Variants in FOXK1 observed in about 807,000 individuals in gnomAD.
FOXK1 encodes the protein forkhead box protein K1.
A neutral mutation model predicts 51.9 loss-of-function variants in FOXK1; 19 were observed. The ratio of observed to expected loss-of-function variants is 0.37; its 90% CI spans 0.26 to 0.54. The LOEUF is 0.54. FOXK1 is among the 20% of genes least tolerant of loss of function. The pLI is 0.87. For synonymous variants in FOXK1, 537 were observed against 482.6 expected (o/e 1.11, Z -1.48); for missense variants, 870 against 1,032.7 (o/e 0.84, Z 2.16).
At chr7:4,746,826 G>A (rs2115065010) in intron 2 of FOXK1, among the ~76,000 whole-genome samples, 1 of 152,348 alleles carries the variant, frequency 6.6e-6, no homozygotes, top group East Asian at 1.9e-4. Context: ...GGCTGGCTGT[G>A]CCAGCATTTG....
At chr7:4,742,466 G>C (rs892540809) in intron 2 of FOXK1, among the ~76,000 whole-genome samples, 3 of 152,184 alleles carry the variant, frequency 2.0e-5, no homozygotes, top group African/African-American at 7.2e-5. Flanking sequence ...GTCCAGGCTA[G>C]AGTGCAGTGG....
intron 1 of FOXK1, among the ~76,000 whole-genome samples, chr7:4,688,545 G>A (rs1002920851): frequency 1.8e-4 from 27 of 151,982 alleles, no homozygotes; most frequent in African/African-American, 5.5e-4. Flanking sequence ...ACAGGCGCTC[G>A]CCACGACACC....
intron 1 of FOXK1, among the ~76,000 whole-genome samples, chr7:4,724,120 A>G (rs1780348345): frequency 6.6e-6 from 1 of 152,200 alleles, no homozygotes; most frequent in South Asian, 2.1e-4. Flanking sequence ...GCTGCGCACC[A>G]GGCAGTGCCC....
chr7:4,717,712 G>C (rs1780254608), intron 1 of FOXK1, among the ~76,000 whole-genome samples: 1 of 152,164 alleles, frequency 6.6e-6, no homozygotes, highest in South Asian at 2.1e-4. Flanking sequence ...TTGTCTCTCT[G>C]AGCATTGCAG....
Position 4,755,489 on chromosome 7 carries a change from C to G in FOXK1, c.1050+106C>G, listed in dbSNP as rs76575846. ...ACAGAAGAGGGCCAGTGAGGGGGCT[C>G]ACGCCTGGAACCCTAGCATTTTGTG... On this transcript the variant is annotated intron_variant, in intron 4 of 8. Coordinates refer to ENST00000328914, the MANE Select transcript of FOXK1 (RefSeq NM_001037165.2). The surrounding 1 kb of genome is among the most constrained non-coding windows in gnomAD (Gnocchi z 6.6). 134 of 1,459,636 alleles carry G rather than the reference C, an allele frequency of 9.2e-5. 1 individual carries two copies. The highest frequency in any genetic ancestry group is 3.2e-4 in the South Asian group (25 of 77,486). 90.4% of individuals were successfully genotyped at this position (1,459,636 alleles called of 1,614,324 possible). A position where few individuals can be genotyped will look rare whatever the true frequency, so the allele number is the denominator to read the frequency against.
intron 1 of FOXK1, among the ~76,000 whole-genome samples, chr7:4,718,189 T>A (rs542696527): frequency 9.9e-5 from 15 of 151,726 alleles, no homozygotes; most frequent in Non-Finnish European, 2.1e-4. Context: ...TCCATCAGCA[T>A]CACAGCCGGG....
intron 1 of FOXK1, among the ~76,000 whole-genome samples, chr7:4,706,308 AAT>A (rs1237381274): frequency 6.6e-6 from 1 of 152,164 alleles, no homozygotes; most frequent in Non-Finnish European, 1.5e-5. Context: ...CTTAAAATAA[AAT>A]ACCCCTTTTC....
At chr7:4,727,657 G>A (rs1780397778) in intron 1 of FOXK1, among the ~76,000 whole-genome samples, 1 of 152,208 alleles carries the variant, frequency 6.6e-6, no homozygotes, top group Non-Finnish European at 1.5e-5. Context: ...CTCCTTTTAG[G>A]CTTCAGTGCT....
chr7:4,728,556 T>A (rs978873189), intron 1 of FOXK1, among the ~76,000 whole-genome samples: 1 of 151,696 alleles, frequency 6.6e-6, no homozygotes, highest in Non-Finnish European at 1.5e-5. Flanking sequence ...CCACGTGCTG[T>A]GGGGAGAACA....
chr7:4,693,423 TAAAG>T (rs1365841295), intron 1 of FOXK1, among the ~76,000 whole-genome samples: 2 of 152,250 alleles, frequency 1.3e-5, no homozygotes, highest in African/African-American at 4.8e-5. Flanking sequence ...TTTATAGAAA[TAAAG>T]TTATATAATT....
In FOXK1 at chr7:4,683,425, G is replaced by GC. The variant is rs1297577749; in HGVS notation, c.560+564dup. Among the ~76,000 whole-genome samples the GC allele has an allele frequency of 2.0e-5, 3 of 150,084 alleles. No individual in the cohort carries two copies. The highest frequency in any genetic ancestry group is 2.1e-4 in the South Asian group (1 of 4,732). On this transcript the variant is annotated intron_variant, in intron 1 of 8. Coordinates refer to ENST00000328914, the MANE Select transcript of FOXK1 (RefSeq NM_001037165.2). This position sits in a 1 kb window ranked among gnomAD's most constrained non-coding sequence, Gnocchi z 4.5. Reference sequence around the variant, plus strand: ...GTTAACCGCGACCCCCACTTCCTAGGCCCCCCCGGAGTCACCCCTGACCGC... The same window carrying GC: ...GTTAACCGCGACCCCCACTTCCTAGGCCCCCCCCGGAGTCACCCCTGACCGC...
rs1562372937 is a variant in FOXK1, at chr7:4,705,964, A to ATATATATATACG, written c.560+23104_560+23105insTACGTATATATA. Among the ~76,000 whole-genome samples the ATATATATATACG allele has an allele frequency of 6.5e-3, 733 of 112,942 alleles. 7 individuals are homozygous for ATATATATATACG. The highest frequency in any genetic ancestry group is 0.01 in the Non-Finnish European group (579 of 56,140). The allele number at this position is 112,942 out of a possible 152,430, so 74.1% of individuals were successfully genotyped here. A position where few individuals can be genotyped will look rare whatever the true frequency, so the allele number is the denominator to read the frequency against. ...TTCAAAATTATATATATATATGTATATATATATACGTATATATACGTATAT... is the reference window on the plus strand; with the variant it reads ...TTCAAAATTATATATATATATGTATATATATATATACGTATATATACGTATATATACGTATAT... On this transcript the variant is annotated intron_variant, in intron 1 of 8. Transcript: ENST00000328914.
At chr7:4,696,646 G>A (rs894021444) in intron 1 of FOXK1, among the ~76,000 whole-genome samples, 2 of 152,162 alleles carry the variant, frequency 1.3e-5, no homozygotes, top group Non-Finnish European at 2.9e-5. Flanking sequence ...TCAGTGCCTC[G>A]CCCAGTGCCA....
chr7:4,741,027 A>C lies in FOXK1; in HGVS notation c.746+4A>C, dbSNP rs761011379. 1.6e-5 allele frequency: 24 copies of C among 1,508,188 alleles called. No homozygotes were observed. In the South Asian group the frequency reaches 2.6e-4, roughly 17 times the overall value. 93.4% of individuals were successfully genotyped at this position (1,508,188 alleles called of 1,614,324 possible). A position where few individuals can be genotyped will look rare whatever the true frequency, so the allele number is the denominator to read the frequency against. On this transcript the variant is annotated splice_donor_region_variant and intron_variant, in intron 2 of 8. Transcript: ENST00000328914. ...CCTCCCCGACGGGCACCATCAGGTG[A>C]GTAGCCCCCCAGCCTGCCCTTGGGC...
rs760634384 is a variant in FOXK1, at chr7:4,759,228, G to C, written c.1411+11G>C. 6.2e-7 allele frequency: 1 copy of C among 1,611,780 alleles called. No homozygotes were observed. The highest frequency in any genetic ancestry group is 1.1e-5 in the South Asian group (1 of 91,086). On this transcript the variant is annotated intron_variant, in intron 6 of 8. Coordinates refer to ENST00000328914, the MANE Select transcript of FOXK1 (RefSeq NM_001037165.2). ...CCCAAAGCGCACCCGGTAAGGAGCG[G>C]GCGGCCCTCTTGCGGGGCGGGGCGG...
At position 4,682,989 on chromosome 7, in the gene FOXK1, C is replaced by T. The variant is rs1779772246; in HGVS notation, c.560+121C>T. On this transcript the variant is annotated intron_variant, in intron 1 of 8. Coordinates refer to ENST00000328914, the MANE Select transcript of FOXK1 (RefSeq NM_001037165.2). The surrounding 1 kb of genome is among the most constrained non-coding windows in gnomAD (Gnocchi z 7.6). ...CGGCCTCGACCCCCACCCCCCGGCC[C>T]ACCCCCGGTAACCCCCGACCGGCCT... is the stretch of plus-strand genomic sequence containing the variant. 2 of 1,064,962 alleles carry T rather than the reference C, an allele frequency of 1.9e-6. No individual in the cohort carries two copies. Among genetic ancestry groups the T allele is most frequent in the Non-Finnish European group, 1.3e-6 (1 of 784,342 alleles). 66.0% of individuals were successfully genotyped at this position (1,064,962 alleles called of 1,614,324 possible).
rs1278682598 is a variant in FOXK1, at chr7:4,683,093, G to T, written c.560+225G>T. Among the ~76,000 whole-genome samples the T allele has an allele frequency of 5.5e-5, 8 of 146,444 alleles. No individual in the cohort carries two copies. Among genetic ancestry groups the T allele is most frequent in the Non-Finnish European group, 1.2e-4 (8 of 66,812 alleles). On this transcript the variant is annotated intron_variant, in intron 1 of 8. Transcript: ENST00000328914. This position sits in a 1 kb window ranked among gnomAD's most constrained non-coding sequence, Gnocchi z 4.5. ...ACCCCGATCCTGGAGGCTCCAGCCT[G>T]AGGATCTCCTCCACTTTCCCCGGTC...
chr7:4,754,596 C>T lies in FOXK1; in HGVS notation c.884C>T (p.Ser295Phe). ...GCGTCGGAGCAGCAGGCAGACACGTCTGGAGGAGACAGCCCCAAGGTCTGA... is the reference window on the plus strand; with the variant it reads ...GCGTCGGAGCAGCAGGCAGACACGTTTGGAGGAGACAGCCCCAAGGTCTGA... ...KAASEQQADT[S>F]GGDSPKDESK... is the part of the protein sequence containing the mutation. Residue 295 changes from serine (S) to phenylalanine (F), a missense_variant, in exon 3 of 9, where the codon TCT becomes TTT. By Grantham distance (155) the Ser-to-Phe change is radical. Around this residue, in one of 3 missense-constraint regions of FOXK1, gnomAD observed 399 missense variants for 475.6 expected, o/e 0.84. Transcript: ENST00000328914. The T allele has an allele frequency of 6.2e-7, 1 of 1,605,416 alleles. No individual in the cohort carries two copies. Among genetic ancestry groups the T allele is most frequent in the Non-Finnish European group, 8.5e-7 (1 of 1,179,940 alleles).
At chr7:4,750,368 G>C (rs1780759432) in intron 2 of FOXK1, among the ~76,000 whole-genome samples, 1 of 152,130 alleles carries the variant, frequency 6.6e-6, no homozygotes, top group Non-Finnish European at 1.5e-5. Context: ...AGGGAGCAGT[G>C]GGGTCCCCTC....
Sources: allele counts gnomAD v4.1 joint callset (sites outside exome capture counted in the v4.1 genomes callset), GRCh38; gene constraint gnomAD v4.1.1; regional missense constraint gnomAD v4.1.1; non-coding constraint Gnocchi (gnomAD v3.1); transcripts MANE v1.5; gene names NCBI Gene and HGNC (gene_info 2026-07-23, HGNC 2026-07-21).